The following DLG2 variants were observed in gnomAD, a reference collection of about 807,000 sequenced individuals.
DLG2 encodes discs large MAGUK scaffold protein 2.
DLG2 carries 45 observed loss-of-function variants against 132.5 expected under a neutral mutation model. The ratio of observed to expected loss-of-function variants is 0.34; its 90% CI spans 0.27 to 0.44. DLG2 has a LOEUF of 0.44. DLG2 is among the 20% of genes least tolerant of loss of function. The probability of loss-of-function intolerance (pLI) is 1.00; values close to 1 mark genes in which losing one functional copy is unlikely to be tolerated. For synonymous variants in DLG2, 424 were observed against 419.6 expected (o/e 1.01, Z -0.13); for missense variants, 1,045 against 1,196.9 (o/e 0.87, Z 1.87).
chr11:85,194,408 T>C (rs1245340858), intron 4 of DLG2, among the ~76,000 whole-genome samples: 3 of 152,104 alleles, frequency 2.0e-5, no homozygotes, highest in East Asian at 1.9e-4. Context: ...TATATATTCA[T>C]TGTTTTGGTC....
chr11:85,467,845 C>A (rs1188482903), intron 3 of DLG2, among the ~76,000 whole-genome samples: 1 of 152,110 alleles, frequency 6.6e-6, no homozygotes, highest in Admixed American at 6.6e-5. Context: ...AGGGAGGATT[C>A]CCTCTTTTTC....
At chr11:83,880,580 C>T (rs890775469) in intron 15 of DLG2, among the ~76,000 whole-genome samples, 4 of 152,036 alleles carry the variant, frequency 2.6e-5, no homozygotes, top group Non-Finnish European at 5.9e-5. Flanking sequence ...TTTAAGCAAG[C>T]CTTCAAAAAT....
chr11:83,520,587 G>T (rs1182968075), intron 21 of DLG2, among the ~76,000 whole-genome samples: 1 of 151,836 alleles, frequency 6.6e-6, no homozygotes, highest in Admixed American at 6.6e-5. Flanking sequence ...AAGTAGGTAG[G>T]CAGGTAGATA....
chr11:85,067,293 C>A (rs553428844), intron 6 of DLG2, among the ~76,000 whole-genome samples: 2 of 151,866 alleles, frequency 1.3e-5, no homozygotes, highest in African/African-American at 2.4e-5. Flanking sequence ...TCCAAAAAAC[C>A]AGCTCCTGGA....
intron 4 of DLG2, among the ~76,000 whole-genome samples, chr11:85,245,815 C>T (rs1297021220): frequency 6.6e-6 from 1 of 151,966 alleles, no homozygotes; most frequent in Admixed American, 6.6e-5. Context: ...CTACTCCAGC[C>T]TCAATGTCCT....
chr11:85,198,993 G>T (rs2081258414), intron 4 of DLG2, among the ~76,000 whole-genome samples: 1 of 152,076 alleles, frequency 6.6e-6, no homozygotes, highest in Non-Finnish European at 1.5e-5. Flanking sequence ...ACATACTTTG[G>T]AGAACTAGTT....
intron 24 of DLG2, 84 bp downstream of exon 24, chr11:83,471,542 G>A (rs2092025071): frequency 2.1e-6 from 2 of 975,196 alleles, no homozygotes; most frequent in Non-Finnish European, 3.2e-6. Flanking sequence ...AGAGACTACT[G>A]GAGGATGGAA....
chr11:83,734,361 TTCCTTCC>T (rs2091542446), intron 18 of DLG2, among the ~76,000 whole-genome samples: 1 of 125,810 alleles, frequency 7.9e-6, no homozygotes, highest in Non-Finnish European at 1.7e-5. Context: ...CCTTCCTTCC[TTCCTTCC>T]TTCCTTCCTT....
chr11:85,444,874 A>C (rs1200110287), intron 3 of DLG2, among the ~76,000 whole-genome samples: 1 of 152,246 alleles, frequency 6.6e-6, no homozygotes, highest in Non-Finnish European at 1.5e-5. Flanking sequence ...CTAATAGTGT[A>C]TATTGCCTTT....
chr11:85,616,182 T>G (rs1309250460), intron 2 of DLG2, among the ~76,000 whole-genome samples: 1 of 152,056 alleles, frequency 6.6e-6, no homozygotes, highest in Non-Finnish European at 1.5e-5. Flanking sequence ...ACTACCACAC[T>G]CATACAGTAA....
At chr11:84,421,850 C>T (rs1423389361) in intron 7 of DLG2, among the ~76,000 whole-genome samples, 1 of 152,140 alleles carries the variant, frequency 6.6e-6, no homozygotes, top group Admixed American at 6.5e-5. Flanking sequence ...TTTTTCTCTG[C>T]TCGGAATGAA....
chr11:85,357,161 C>G lies in DLG2; in HGVS notation c.41-71796G>C, dbSNP rs548447976. Among the ~76,000 whole-genome samples the G allele has an allele frequency of 5.3e-5, 8 of 151,590 alleles. No individual in the cohort carries two copies. In the East Asian group the frequency reaches 1.6e-3, roughly 29 times the overall value. On this transcript the variant is annotated intron_variant, in intron 3 of 27. Coordinates refer to ENST00000376104, the MANE Select transcript of DLG2 (RefSeq NM_001142699.3). ...GAGAAGCAAGTCACAGAGCAGCCTG[C>G]ATTTCCTTTTCACTATGCATACCTC... is the stretch of plus-strand genomic sequence containing the variant.
intron 11 of DLG2, among the ~76,000 whole-genome samples, chr11:83,994,521 C>T (rs543243839): frequency 1.8e-4 from 28 of 152,222 alleles, no homozygotes; most frequent in African/African-American, 6.0e-4. Context: ...AGGTGAGCAC[C>T]ACTGTACCCA....
chr11:84,174,092 G>T (rs1360690695), intron 8 of DLG2, among the ~76,000 whole-genome samples: 1 of 127,386 alleles, frequency 7.9e-6, no homozygotes, highest in Non-Finnish European at 1.6e-5. Context: ...CAGAACAGAT[G>T]CTCTTGCCTA....
chr11:84,243,709 T>A (rs529128201), intron 8 of DLG2, among the ~76,000 whole-genome samples: 1 of 152,328 alleles, frequency 6.6e-6, no homozygotes, highest in Non-Finnish European at 1.5e-5. Context: ...AGCAAAGGTC[T>A]AGATGTAGGT....
At chr11:84,243,342 A>G (rs2097260570) in intron 8 of DLG2, among the ~76,000 whole-genome samples, 1 of 152,126 alleles carries the variant, frequency 6.6e-6, no homozygotes, top group East Asian at 1.9e-4. Flanking sequence ...TGGAAAGCAA[A>G]GGTCTAGAAA....
chr11:84,353,851 T>G (rs2098596156), intron 7 of DLG2, among the ~76,000 whole-genome samples: 1 of 152,162 alleles, frequency 6.6e-6, no homozygotes, highest in South Asian at 2.1e-4. Flanking sequence ...CCTAACCAAC[T>G]TCTACTAATC....
Position 84,976,437 on chromosome 11 carries a change from T to A in DLG2, c.357+135224A>T, listed in dbSNP as rs151227532. Among the ~76,000 whole-genome samples the A allele has an allele frequency of 4.1e-3, 629 of 152,224 alleles. 4 individuals are homozygous for A. Among genetic ancestry groups the A allele is most frequent in the African/African-American group, 0.014 (593 of 41,554 alleles). On this transcript the variant is annotated intron_variant, in intron 6 of 27. Coordinates refer to ENST00000376104, the MANE Select transcript of DLG2 (RefSeq NM_001142699.3). ...GAACCTATGTACTTGTGATAATAAA[T>A]CATATTCCTTGGGTGGTTTCATCTA...
intron 3 of DLG2, among the ~76,000 whole-genome samples, chr11:85,554,417 A>G (rs2076824886): frequency 1.3e-5 from 2 of 151,896 alleles, no homozygotes; most frequent in African/African-American, 2.4e-5. Flanking sequence ...TGGAAAAAAT[A>G]TAATTGAAAT....
Sources: gnomAD v4.1 joint callset for allele counts (sites outside exome capture counted in the v4.1 genomes callset) on GRCh38, gnomAD v4.1.1 for gene constraint, MANE v1.5 for transcripts, NCBI Gene and HGNC (gene_info 2026-07-23, HGNC 2026-07-21) for gene names.